Variants in KCNA2 observed in about 807,000 individuals in gnomAD.
The protein encoded by KCNA2 is potassium voltage-gated channel subfamily A member 2, also known as potassium channel, voltage gated shaker related subfamily A, member 2.
Under a neutral mutation model 33.4 loss-of-function variants are expected in KCNA2, and 11 were observed. The ratio of observed to expected loss-of-function variants is 0.33; its 90% CI spans 0.21 to 0.55. The LOEUF (loss-of-function observed/expected upper bound fraction) is 0.55. KCNA2 is among the 20% of genes least tolerant of loss of function. The pLI is 0.93. For synonymous variants in KCNA2, 222 were observed against 231.3 expected (o/e 0.96, Z 0.37); for missense variants, 291 against 621.6 (o/e 0.47, Z 5.66).
chr1:110,594,174 C>G lies in KCNA2; in HGVS notation c.*9109G>C. ...TTTTCAGCAATTATTAGAGACAGGA[C>G]ATGGGAGGGCAGCTGAAGATTCATG... On this transcript the variant is annotated 3_prime_UTR_variant, in exon 3 of 3. Transcript: ENST00000316361. 1 of 1,266,210 alleles carries G rather than the reference C, an allele frequency of 7.9e-7. No homozygotes were observed. The highest frequency in any genetic ancestry group is 1.0e-6 in the Non-Finnish European group (1 of 1,004,182). The allele number at this position is 1,266,210 out of a possible 1,614,324, so 78.4% of individuals were successfully genotyped here.
intron 1 of KCNA2, among the ~76,000 whole-genome samples, chr1:110,622,719 A>T (rs1042826064): frequency 3.9e-5 from 6 of 152,198 alleles, no homozygotes; most frequent in Non-Finnish European, 7.4e-5. Flanking sequence ...ATTGAGATTT[A>T]AAAACCCCAT....
At position 110,594,118 on chromosome 1, in the gene KCNA2, C is replaced by A. The variant is rs1416363519; in HGVS notation, c.*9165G>T. ...CTTGGAGTTCCTTCTGCTATTGATC[C>A]CAAGGAGGCTTATTTATCTACCTCT... On this transcript the variant is annotated 3_prime_UTR_variant, in exon 3 of 3. Coordinates refer to ENST00000316361, the MANE Select transcript of KCNA2 (RefSeq NM_004974.4). 3 of 1,389,694 alleles carry A rather than the reference C, an allele frequency of 2.2e-6. No homozygotes were observed. The highest frequency in any genetic ancestry group is 2.8e-6 in the Non-Finnish European group (3 of 1,077,172). The allele number at this position is 1,389,694 out of a possible 1,614,324, so 86.1% of individuals were successfully genotyped here.
rs1649008635 is a variant in KCNA2 at position 110,594,443 on chromosome 1, T to C, written c.*8840A>G. ...AATAGCATCCTCCACTCATGAGCTTTACAGCTATGTCCCTGATGAAAACTA... is the reference window on the plus strand; with the variant it reads ...AATAGCATCCTCCACTCATGAGCTTCACAGCTATGTCCCTGATGAAAACTA... On this transcript the variant is annotated 3_prime_UTR_variant, in exon 3 of 3. Coordinates refer to ENST00000316361, the MANE Select transcript of KCNA2 (RefSeq NM_004974.4). 27 of 985,284 alleles carry C rather than the reference T, an allele frequency of 2.7e-5. No homozygotes were observed. In the Admixed American group the frequency reaches 1.6e-3, roughly 58 times the overall value. The allele number at this position is 985,284 out of a possible 1,614,324, so 61.0% of individuals were successfully genotyped here. A position where few individuals can be genotyped will look rare whatever the true frequency, so the allele number is the denominator to read the frequency against.
chr1:110,593,960 A>C lies in KCNA2; in HGVS notation c.*9323T>G. The C allele has an allele frequency of 6.5e-7, 1 of 1,549,642 alleles. No homozygotes were observed. Among genetic ancestry groups the C allele is most frequent in the Non-Finnish European group, 8.7e-7 (1 of 1,146,612 alleles). On this transcript the variant is annotated 3_prime_UTR_variant, in exon 3 of 3. Transcript: ENST00000316361. The stretch of plus-strand genomic sequence containing the variant: ...TTTCAAGAAGCAAACAAATAGTTAA[A>C]TGACTCCCAACTCCCATGAGTCTTC...
rs778032993 is a variant in KCNA2 at position 110,595,779 on chromosome 1, T to C, written c.*7504A>G. The C allele has an allele frequency of 9.5e-5, 94 of 985,334 alleles. No homozygotes were observed. The highest frequency in any genetic ancestry group is 1.1e-4 in the Non-Finnish European group (88 of 829,938). 61.0% of individuals were successfully genotyped at this position (985,334 alleles called of 1,614,324 possible). A position where few individuals can be genotyped will look rare whatever the true frequency, so the allele number is the denominator to read the frequency against. On this transcript the variant is annotated 3_prime_UTR_variant, in exon 3 of 3. Transcript: ENST00000316361. ...AAACAGAATGGATTTGTTAGTTCCA[T>C]TGATTGCCACAAACCTCACCTTCTG... is the stretch of plus-strand genomic sequence containing the variant.
chr1:110,599,563 A>T lies in KCNA2; in HGVS notation c.*3720T>A, dbSNP rs1649247336. On this transcript the variant is annotated 3_prime_UTR_variant, in exon 3 of 3. Coordinates refer to ENST00000316361, the MANE Select transcript of KCNA2 (RefSeq NM_004974.4). ...TATGCACAAGAGCAAGTGAAATGCC[A>T]CAAGCAAGTAAAGGTGGCTCATTTT... is the stretch of plus-strand genomic sequence containing the variant. 1.0e-6 allele frequency: 1 copy of T among 985,350 alleles called. No individual in the cohort carries two copies. The highest frequency in any genetic ancestry group is 1.2e-6 in the Non-Finnish European group (1 of 829,948). 61.0% of individuals were successfully genotyped at this position (985,350 alleles called of 1,614,324 possible). A position where few individuals can be genotyped will look rare whatever the true frequency, so the allele number is the denominator to read the frequency against.
At chr1:110,611,799 G>A (rs1487981891) in intron 1 of KCNA2, among the ~76,000 whole-genome samples, 1 of 151,880 alleles carries the variant, frequency 6.6e-6, no homozygotes, top group African/African-American at 2.4e-5. Flanking sequence ...GAGGAAAGTG[G>A]ATTGTTTGAG....
Position 110,595,586 on chromosome 1 carries a change from T to C in KCNA2, c.*7697A>G, listed in dbSNP as rs1336716785. On this transcript the variant is annotated 3_prime_UTR_variant, in exon 3 of 3. Coordinates refer to ENST00000316361, the MANE Select transcript of KCNA2 (RefSeq NM_004974.4). ...TGCAAGAGGTGAGGCTGAGAGAAAC[T>C]GTCTTCCATGGATCTAACACACTAG... 37 of 985,348 alleles carry C rather than the reference T, an allele frequency of 3.8e-5. No individual in the cohort carries two copies. Among genetic ancestry groups the C allele is most frequent in the Non-Finnish European group, 4.5e-5 (37 of 829,994 alleles). 61.0% of individuals were successfully genotyped at this position (985,348 alleles called of 1,614,324 possible).
Position 110,597,507 on chromosome 1 carries a change from G to A in KCNA2, c.*5776C>T, listed in dbSNP as rs1412669030. On this transcript the variant is annotated 3_prime_UTR_variant, in exon 3 of 3. Coordinates refer to ENST00000316361, the MANE Select transcript of KCNA2 (RefSeq NM_004974.4). Reference sequence around the variant, plus strand: ...GGGAGAGGGGACAGAGACACACATGGAGACAGAGAGGTGCACACAGGAAGG... The same window carrying A: ...GGGAGAGGGGACAGAGACACACATGAAGACAGAGAGGTGCACACAGGAAGG... The A allele has an allele frequency of 1.0e-6, 1 of 985,248 alleles. No homozygotes were observed. The highest frequency in any genetic ancestry group is 1.1e-4 in the East Asian group (1 of 8,824). 61.0% of individuals were successfully genotyped at this position (985,248 alleles called of 1,614,324 possible).
At chr1:110,607,316 A>AGCGGGCGGCGGCGGGGT (rs1023590210), upstream of KCNA2, 160 of 151,510 alleles carry the variant, frequency 1.1e-3, 1 homozygote, top group African/African-American at 3.8e-3. Flanking sequence ...GAACCCCGGC[A>AGCGGGCGGCGGCGGGGT]GCGGGCGGCG....
intron 1 of KCNA2, among the ~76,000 whole-genome samples, chr1:110,619,199 A>ACC (rs952187245): frequency 6.6e-6 from 1 of 152,002 alleles, no homozygotes; most frequent in African/African-American, 2.4e-5. Context: ...GGGAGACTGT[A>ACC]CCCCCAAACA....
chr1:110,625,406 A>G (rs1650364830), intron 1 of KCNA2, among the ~76,000 whole-genome samples: 1 of 152,172 alleles, frequency 6.6e-6, no homozygotes, highest in Non-Finnish European at 1.5e-5. Context: ...TTTTTAATAA[A>G]TGGTATAATG....
In KCNA2 at chr1:110,597,476, G is replaced by A; in HGVS notation, c.*5807C>T. On this transcript the variant is annotated 3_prime_UTR_variant, in exon 3 of 3. Transcript: ENST00000316361. Reference sequence around the variant, plus strand: ...GTATGACAGCAGGCAGAAATGGGGAGACAGAGGGAGAGGGGACAGAGACAC... The same window carrying A: ...GTATGACAGCAGGCAGAAATGGGGAAACAGAGGGAGAGGGGACAGAGACAC... The A allele has an allele frequency of 1.0e-6, 1 of 985,434 alleles. No homozygotes were observed. The highest frequency in any genetic ancestry group is 4.7e-5 in the South Asian group (1 of 21,280). 61.0% of individuals were successfully genotyped at this position (985,434 alleles called of 1,614,324 possible).
Position 110,593,782 on chromosome 1 carries a change from G to A in KCNA2, c.*9501C>T. ...ATGTACACATATATGTATAACCTAT[G>A]TACAAATATCAGACCCTACTGACAC... On this transcript the variant is annotated 3_prime_UTR_variant, in exon 3 of 3. Coordinates refer to ENST00000316361, the MANE Select transcript of KCNA2 (RefSeq NM_004974.4). The A allele has an allele frequency of 7.5e-7, 1 of 1,338,882 alleles. No individual in the cohort carries two copies. Among genetic ancestry groups the A allele is most frequent in the Middle Eastern group, 2.0e-4 (1 of 4,888 alleles). The allele number at this position is 1,338,882 out of a possible 1,614,324, so 82.9% of individuals were successfully genotyped here.
chr1:110,627,199 C>T (rs538500943), intron 1 of KCNA2, among the ~76,000 whole-genome samples: 42 of 152,228 alleles, frequency 2.8e-4, no homozygotes, highest in African/African-American at 9.4e-4. Context: ...CTTTCTGGCT[C>T]GGTAACCTTG....
chr1:110,630,264 G>A (rs915568234), intron 1 of KCNA2, among the ~76,000 whole-genome samples: 2 of 151,892 alleles, frequency 1.3e-5, no homozygotes, highest in African/African-American at 2.4e-5. Flanking sequence ...CAGGTGATCC[G>A]CCCACCTCGG....
In KCNA2 at chr1:110,600,614, G is replaced by A; in HGVS notation, c.*2669C>T. The stretch of plus-strand genomic sequence containing the variant: ...TTGTGGTGAATGTGCATGACTGTAT[G>A]TGAACATTTTAGAGTCCTGGGCCAA... On this transcript the variant is annotated 3_prime_UTR_variant, in exon 3 of 3. Transcript: ENST00000316361. The A allele has an allele frequency of 1.0e-6, 1 of 985,354 alleles. No individual in the cohort carries two copies. The highest frequency in any genetic ancestry group is 1.2e-6 in the Non-Finnish European group (1 of 829,886). 61.0% of individuals were successfully genotyped at this position (985,354 alleles called of 1,614,324 possible). A position where few individuals can be genotyped will look rare whatever the true frequency, so the allele number is the denominator to read the frequency against.
chr1:110,605,233 G>A (rs1285650148), intron 2 of KCNA2, among the ~76,000 whole-genome samples, 158 bp downstream of exon 2: 1 of 152,144 alleles, frequency 6.6e-6, no homozygotes, highest in Non-Finnish European at 1.5e-5. Context: ...ATGCTAATAG[G>A]TTAAAAGTGG....
intron 1 of KCNA2, among the ~76,000 whole-genome samples, chr1:110,619,692 T>A (rs770590873): frequency 6.6e-6 from 1 of 152,184 alleles, no homozygotes; most frequent in Non-Finnish European, 1.5e-5. Flanking sequence ...GTATCCCGGG[T>A]CCTAAGAGAT....
Sources: gnomAD v4.1 joint callset for allele counts (sites outside exome capture counted in the v4.1 genomes callset) on GRCh38, gnomAD v4.1.1 for gene constraint, MANE v1.5 for transcripts, NCBI Gene and HGNC (gene_info 2026-07-23, HGNC 2026-07-21) for gene names.